Variants in ANO6 observed in about 807,000 individuals in gnomAD.
ANO6 encodes the protein anoctamin-6.
ANO6 carries 106 observed loss-of-function variants against 117.5 expected under a neutral mutation model. The observed-to-expected ratio is 0.90, with a 90% CI of 0.77 to 1.06. The LOEUF (loss-of-function observed/expected upper bound fraction) is 1.06. Ranked by LOEUF, ANO6 falls within the 50% of genes least tolerant of loss-of-function variation. The pLI, the probability that ANO6 is intolerant of heterozygous loss-of-function variation, is 0.00. For synonymous variants in ANO6, 367 were observed against 385.1 expected, an observed-to-expected ratio of 0.95 and a Z score of 0.55; for missense variants, 955 against 1,121.1, an observed-to-expected ratio of 0.85 and a Z score of 2.12.
intron 12 of ANO6, among the ~76,000 whole-genome samples, chr12:45,400,593 T>G (rs1222151116): frequency 6.6e-6 from 1 of 152,236 alleles, no homozygotes; most frequent in African/African-American, 2.4e-5. Context: ...AATATTCTGT[T>G]TTTACCTGAA....
At chr12:45,283,402 A>C (rs745527145) in intron 1 of ANO6, among the ~76,000 whole-genome samples, 1 of 152,132 alleles carries the variant, frequency 6.6e-6, no homozygotes, top group Non-Finnish European at 1.5e-5. Context: ...ATCAGAAGGG[A>C]TATGCCACCT....
chr12:45,228,858 C>G (rs1257973415), intron 1 of ANO6, among the ~76,000 whole-genome samples: 1 of 152,172 alleles, frequency 6.6e-6, no homozygotes, highest in Non-Finnish European at 1.5e-5. Flanking sequence ...CCTCATTTCT[C>G]TAAGAATCTT....
chr12:45,315,896 T>TA (rs1166136875), intron 2 of ANO6, among the ~76,000 whole-genome samples: 3 of 152,046 alleles, frequency 2.0e-5, no homozygotes, highest in African/African-American at 7.2e-5. Flanking sequence ...AGGTATAAAT[T>TA]ATAGCTTCAA....
intron 1 of ANO6, among the ~76,000 whole-genome samples, chr12:45,300,055 C>T (rs1466423725): frequency 6.6e-6 from 1 of 152,082 alleles, no homozygotes; most frequent in Non-Finnish European, 1.5e-5. Flanking sequence ...CTGAATGTTT[C>T]TAGATCAATA....
chr12:45,264,479 G>T (rs911540526), intron 1 of ANO6, among the ~76,000 whole-genome samples: 1 of 152,076 alleles, frequency 6.6e-6, no homozygotes, highest in African/African-American at 2.4e-5. Flanking sequence ...ATAATTTTTT[G>T]GGGGGTTGGC....
intron 1 of ANO6, among the ~76,000 whole-genome samples, chr12:45,227,276 G>A (rs1477945128): frequency 3.3e-5 from 5 of 152,206 alleles, no homozygotes; most frequent in South Asian, 4.1e-4. Flanking sequence ...TAAAGAAACC[G>A]TTTACTGATC....
Position 45,431,918 on chromosome 12 carries a change from T to C in ANO6, c.*2607T>C. On this transcript the variant is annotated 3_prime_UTR_variant, in exon 20 of 20. Transcript: ENST00000320560. Reference sequence around the variant, plus strand: ...CATTAGAGCAAATACTCAGGGGATTTTTCATTAAACATCCCTCAGATAATT... The same window carrying C: ...CATTAGAGCAAATACTCAGGGGATTCTTCATTAAACATCCCTCAGATAATT... 6.1e-6 allele frequency: 6 copies of C among 985,424 alleles called. No homozygotes were observed. The highest frequency in any genetic ancestry group is 6.0e-6 in the Non-Finnish European group (5 of 829,914). 61.0% of individuals were successfully genotyped at this position (985,424 alleles called of 1,614,324 possible).
At chr12:45,239,390 A>C (rs539175414) in intron 1 of ANO6, among the ~76,000 whole-genome samples, 14 of 152,166 alleles carry the variant, frequency 9.2e-5, no homozygotes, top group South Asian at 2.1e-4. Flanking sequence ...GGTGATATCC[A>C]CTTTATCATT....
intron 2 of ANO6, among the ~76,000 whole-genome samples, chr12:45,324,138 T>A (rs150176237): frequency 6.6e-6 from 1 of 152,228 alleles, no homozygotes; most frequent in Middle Eastern, 3.4e-3. Flanking sequence ...AGTTTCTCCA[T>A]GTTGAGGCTG....
At chr12:45,307,941 G>T (rs1939721952) in intron 2 of ANO6, among the ~76,000 whole-genome samples, 1 of 150,956 alleles carries the variant, frequency 6.6e-6, no homozygotes, top group Non-Finnish European at 1.5e-5. Flanking sequence ...TTGAGTGGTA[G>T]AATCCAAACC....
intron 2 of ANO6, 131 bp from the exon 3 acceptor site, chr12:45,331,160 CTGTT>C (rs1291020101): frequency 9.5e-6 from 7 of 738,712 alleles, no homozygotes; most frequent in Non-Finnish European, 1.5e-5. Context: ...GTGGCCATGA[CTGTT>C]TGGTAAGCTA....
At chr12:45,246,416 T>G (rs781029893) in intron 1 of ANO6, among the ~76,000 whole-genome samples, 11 of 152,178 alleles carry the variant, frequency 7.2e-5, no homozygotes, top group Non-Finnish European at 1.3e-4. Flanking sequence ...TTTCTACATT[T>G]GAGCATTCAA....
intron 4 of ANO6, 64 bp downstream of exon 4, chr12:45,347,151 G>A: frequency 6.8e-7 from 1 of 1,475,172 alleles, no homozygotes; most frequent in Non-Finnish European, 9.5e-7. Flanking sequence ...CGTGCCACTT[G>A]GAATACTTGG....
chr12:45,345,344 T>C (rs1219131920), intron 3 of ANO6, among the ~76,000 whole-genome samples: 1 of 152,206 alleles, frequency 6.6e-6, no homozygotes, highest in Non-Finnish European at 1.5e-5. Flanking sequence ...TTCTAGTTTA[T>C]GGGATTTTTT....
intron 19 of ANO6, among the ~76,000 whole-genome samples, chr12:45,427,712 C>G (rs1452725352): frequency 1.3e-5 from 2 of 150,812 alleles, no homozygotes; most frequent in African/African-American, 4.9e-5. Flanking sequence ...AAGGGAAAGT[C>G]CATTTCATAA....
chr12:45,267,143 G>T (rs1278223662), intron 1 of ANO6, among the ~76,000 whole-genome samples: 1 of 152,134 alleles, frequency 6.6e-6, no homozygotes, highest in African/African-American at 2.4e-5. Context: ...AGACTGGGTT[G>T]TTAAACAACA....
At chr12:45,344,583 G>A (rs913314696) in intron 3 of ANO6, among the ~76,000 whole-genome samples, 3 of 152,016 alleles carry the variant, frequency 2.0e-5, no homozygotes, top group Non-Finnish European at 4.4e-5. Flanking sequence ...GGGGAAATCC[G>A]CCCCCATGAT....
chr12:45,231,951 A>G (rs1387021759), intron 1 of ANO6, among the ~76,000 whole-genome samples: 2 of 152,202 alleles, frequency 1.3e-5, no homozygotes, highest in Non-Finnish European at 2.9e-5. Context: ...TTCAGTCACC[A>G]TCTTTACTAG....
chr12:45,222,150 G>A lies in ANO6; in HGVS notation c.70+5759G>A, dbSNP rs1380886394. On this transcript the variant is annotated intron_variant, in intron 1 of 19. Transcript: ENST00000320560. Reference sequence around the variant, plus strand: ...CCTGTCTCAGCCTCCCAAAGTGCTGGAATTACAGGCATGAGCCACCACGCC... The same window carrying A: ...CCTGTCTCAGCCTCCCAAAGTGCTGAAATTACAGGCATGAGCCACCACGCC... Among the ~76,000 whole-genome samples, 9 of 148,082 alleles carry A rather than the reference G, an allele frequency of 6.1e-5. No individual in the cohort carries two copies. The East Asian group carries it at 1.8e-3, about 30-fold the overall frequency.
Sources: allele counts gnomAD v4.1 joint callset (sites outside exome capture counted in the v4.1 genomes callset), GRCh38; gene constraint gnomAD v4.1.1; transcripts MANE v1.5; gene names NCBI Gene and HGNC (gene_info 2026-07-23, HGNC 2026-07-21).